The following JMJD1C variants were observed in gnomAD, a reference collection of about 807,000 sequenced individuals.
The protein encoded by JMJD1C is jumonji domain containing 1C, also known as jumonji domain-containing protein 1C.
JMJD1C carries 31 observed loss-of-function variants against 245.3 expected under a neutral mutation model. That is an observed-to-expected ratio of 0.13 (90% CI 0.09 to 0.17). JMJD1C has a LOEUF of 0.17. JMJD1C is among the 10% of genes least tolerant of loss of function. The pLI is 1.00. For missense variants in JMJD1C, 2,691 were observed against 3,000.2 expected, an observed-to-expected ratio of 0.90 and a Z score of 2.41; for synonymous variants, 1,057 against 1,017.4, an observed-to-expected ratio of 1.04 and a Z score of -0.74.
rs182007456 is a variant in JMJD1C at position 63,235,135 on chromosome 10, G to A, written c.448-15152C>T. 5.6e-4 allele frequency among the ~76,000 whole-genome samples: 85 copies of A among 152,258 alleles called. 2 individuals carry two copies. Among genetic ancestry groups the A allele is most frequent in the African/African-American group, 9.6e-4 (40 of 41,556 alleles). ...ATTTATTTTAAAAACTTGATGCAGC[G>A]TTTCAGATACTGTGCTAGAAGACTA... On this transcript the variant is annotated intron_variant, in intron 3 of 25. Transcript: ENST00000399262.
At position 63,184,718 on chromosome 10, in the gene JMJD1C, C is replaced by T. The variant is rs375772458; in HGVS notation, c.6851G>A (p.Ser2284Asn). Residue 2284 changes from serine (S) to asparagine (N), a missense_variant, in exon 21 of 26, where the codon AGT (serine) becomes AAT (asparagine). Physicochemically the swap from Ser to Asn is conservative, Grantham distance 46 (BLOSUM62 1). Transcript: ENST00000399262. ...MPARYEDLLK[S>N]LPLPEYCNPE... ...ATTACAATATTCTGGCAATGGCAGA[C>T]TTTTTAAAAGATCTTCGTATCTGAA... is the stretch of plus-strand genomic sequence containing the variant. 1.1e-5 allele frequency: 17 copies of T among 1,609,354 alleles called. No homozygotes were observed. Among genetic ancestry groups the T allele is most frequent in the Non-Finnish European group, 1.4e-5 (16 of 1,178,526 alleles).
chr10:63,288,152 G>GCTGAAAAAAAC (rs1858200217), intron 2 of JMJD1C, among the ~76,000 whole-genome samples: 1 of 152,072 alleles, frequency 6.6e-6, no homozygotes, highest in Admixed American at 6.6e-5. Context: ...GACACAGAGG[G>GCTGAAAAAAAC]CCAACTGTAT....
chr10:63,251,292 T>C (rs1271031256), intron 3 of JMJD1C, among the ~76,000 whole-genome samples: 2 of 152,156 alleles, frequency 1.3e-5, no homozygotes, highest in African/African-American at 4.8e-5. Context: ...AAAGAACATC[T>C]GAAAAAGCAC....
chr10:63,375,153 C>A (rs867922481), intron 2 of JMJD1C, among the ~76,000 whole-genome samples: 45 of 146,616 alleles, frequency 3.1e-4, no homozygotes, highest in Admixed American at 4.8e-4. Flanking sequence ...ACCTAAGCAA[C>A]AGGATATGAA....
At chr10:63,437,613 T>A (rs553052225) in intron 1 of JMJD1C, among the ~76,000 whole-genome samples, 36 of 152,300 alleles carry the variant, frequency 2.4e-4, no homozygotes, top group Non-Finnish European at 4.7e-4. Flanking sequence ...CAAAATCTTA[T>A]CTTCCTCCTA....
At chr10:63,215,487 C>A (rs953162433) in intron 6 of JMJD1C, 32 bp from the exon 7 acceptor site, 1 of 1,612,304 alleles carries the variant, frequency 6.2e-7, no homozygotes, top group Non-Finnish European at 8.5e-7. Flanking sequence ...TAATTGTTTA[C>A]TACCTGGTTT....
chr10:63,296,627 G>A (rs1002302632), intron 2 of JMJD1C, among the ~76,000 whole-genome samples: 3 of 152,170 alleles, frequency 2.0e-5, no homozygotes, highest in South Asian at 2.1e-4. Context: ...GGAAATGTGC[G>A]TATAGGTGAC....
In JMJD1C at chr10:63,206,582, G is replaced by GT. The variant is rs1210729075; in HGVS notation, c.5074+12dup. 5 of 1,556,216 alleles carry GT rather than the reference G, an allele frequency of 3.2e-6. No individual in the cohort carries two copies. Among genetic ancestry groups the GT allele is most frequent in the African/African-American group, 1.4e-5 (1 of 72,678 alleles). The stretch of plus-strand genomic sequence containing the variant: ...CCCATTTTACCTGAGATAAAACAAA[G>GT]TAACTGACTTACTATTACTGTTGCT... On this transcript the variant is annotated intron_variant, in intron 10 of 25. Transcript: ENST00000399262.
intron 1 of JMJD1C, among the ~76,000 whole-genome samples, chr10:63,432,037 T>C (rs1263533631): frequency 1.3e-5 from 2 of 152,108 alleles, no homozygotes; most frequent in Non-Finnish European, 2.9e-5. Context: ...GAAAACTCAC[T>C]TTTGTAACTG....
intron 1 of JMJD1C, among the ~76,000 whole-genome samples, chr10:63,443,046 G>C (rs1000917508): frequency 6.6e-6 from 1 of 152,138 alleles, no homozygotes; most frequent in Non-Finnish European, 1.5e-5. Context: ...TCCTCTGATT[G>C]ATCAACTGAC....
intron 1 of JMJD1C, among the ~76,000 whole-genome samples, chr10:63,479,681 G>C (rs553900256): frequency 1.3e-5 from 2 of 152,084 alleles, no homozygotes; most frequent in South Asian, 2.1e-4. Flanking sequence ...TTCCTGTAAA[G>C]TGGTAGTAAG....
At chr10:63,494,030 G>A (rs1401842661) in intron 1 of JMJD1C, among the ~76,000 whole-genome samples, 1 of 152,236 alleles carries the variant, frequency 6.6e-6, no homozygotes, top group Non-Finnish European at 1.5e-5. Context: ...AGTTTGGAAA[G>A]TTGGGCCTGG....
intron 2 of JMJD1C, among the ~76,000 whole-genome samples, chr10:63,289,405 GA>G (rs1858377406): frequency 1.3e-5 from 2 of 152,250 alleles, no homozygotes; most frequent in East Asian, 3.9e-4. Flanking sequence ...CTTGTGATCT[GA>G]AATGAATGAA....
intron 1 of JMJD1C, among the ~76,000 whole-genome samples, chr10:63,506,242 G>A (rs1954713715): frequency 1.3e-5 from 2 of 152,202 alleles, no homozygotes; most frequent in South Asian, 2.1e-4. Context: ...AAATGTTGAT[G>A]AGAAGAAACC....
At chr10:63,278,404 T>G (rs1262875861) in intron 2 of JMJD1C, among the ~76,000 whole-genome samples, 1 of 151,762 alleles carries the variant, frequency 6.6e-6, no homozygotes, top group African/African-American at 2.4e-5. Flanking sequence ...CGCATGCCTG[T>G]AGTCCCAGCT....
At chr10:63,406,352 C>A (rs1005518773) in intron 1 of JMJD1C, among the ~76,000 whole-genome samples, 3 of 152,040 alleles carry the variant, frequency 2.0e-5, no homozygotes, top group Non-Finnish European at 4.4e-5. Context: ...TGGAAGAGAA[C>A]AGTTTCTAAT....
At chr10:63,420,908 G>C (rs1950090148) in intron 1 of JMJD1C, among the ~76,000 whole-genome samples, 1 of 151,798 alleles carries the variant, frequency 6.6e-6, no homozygotes, top group Non-Finnish European at 1.5e-5. Context: ...TTGTATAATG[G>C]AGACCAAAAA....
intron 3 of JMJD1C, among the ~76,000 whole-genome samples, chr10:63,236,908 G>A (rs1850792126): frequency 6.6e-6 from 1 of 152,092 alleles, no homozygotes; most frequent in Admixed American, 6.5e-5. Flanking sequence ...GAGGCCAGGT[G>A]TTCAAGACCA....
rs185917571 is a variant in JMJD1C at position 63,397,997 on chromosome 10, C to G, written c.169-17515G>C. Among the ~76,000 whole-genome samples the G allele has an allele frequency of 1.4e-4, 21 of 152,144 alleles. No individual in the cohort carries two copies. In the East Asian group the frequency reaches 3.9e-3, roughly 28 times the overall value. Reference sequence around the variant, plus strand: ...AATTGTTCTTTTTAAAATTTTTAACCTTTTGTTACAGAGACAGTAACAGCA... The same window carrying G: ...AATTGTTCTTTTTAAAATTTTTAACGTTTTGTTACAGAGACAGTAACAGCA... On this transcript the variant is annotated intron_variant, in intron 1 of 25. Transcript: ENST00000399262.
Sources: gnomAD v4.1 joint callset for allele counts (sites outside exome capture counted in the v4.1 genomes callset) on GRCh38, gnomAD v4.1.1 for gene constraint, MANE v1.5 for transcripts, NCBI Gene and HGNC (gene_info 2026-07-23, HGNC 2026-07-21) for gene names.